SNX29: variants seen among roughly 807,000 people sequenced by gnomAD.
The protein encoded by SNX29 is sorting nexin-29.
Under a neutral mutation model 102.1 loss-of-function variants are expected in SNX29, and 78 were observed. That is an observed-to-expected ratio of 0.76 (90% CI 0.64 to 0.92). The LOEUF is 0.92. Ranked by LOEUF, SNX29 falls within the 40% of genes least tolerant of loss-of-function variation. SNX29 has a pLI of 0.00. For synonymous variants in SNX29, 580 were observed against 414.5 expected (o/e 1.40, Z -4.85); for missense variants, 1,280 against 1,061.7 (o/e 1.21, Z -2.86).
chr16:12,480,167 C>A (rs2087839827), intron 19 of SNX29, among the ~76,000 whole-genome samples: 1 of 152,148 alleles, frequency 6.6e-6, no homozygotes, highest in Admixed American at 6.6e-5. Context: ...TCACAAATCC[C>A]CACAAATGCA....
At chr16:12,108,513 T>C (rs2053362250) in intron 11 of SNX29, among the ~76,000 whole-genome samples, 1 of 152,160 alleles carries the variant, frequency 6.6e-6, no homozygotes, top group African/African-American at 2.4e-5. Context: ...TTTTCTCTTT[T>C]AGGAGAGGGG....
At chr16:12,559,443 A>G (rs190384696) in intron 20 of SNX29, among the ~76,000 whole-genome samples, 13 of 151,582 alleles carry the variant, frequency 8.6e-5, no homozygotes, top group South Asian at 2.1e-4. Flanking sequence ...AGGGCTCCCA[A>G]TGATTCTACA....
At chr16:12,166,490 A>T (rs2056028870) in intron 13 of SNX29, among the ~76,000 whole-genome samples, 1 of 152,212 alleles carries the variant, frequency 6.6e-6, no homozygotes, top group African/African-American at 2.4e-5. Context: ...GCGAGCAGGA[A>T]GGCGGGGGGC....
intron 20 of SNX29, among the ~76,000 whole-genome samples, chr16:12,525,574 C>T (rs939911910): frequency 8.6e-5 from 13 of 151,988 alleles, no homozygotes; most frequent in South Asian, 2.1e-4. Context: ...CGCCTGTAGT[C>T]CCAGCTACTT....
At chr16:12,069,768 G>A (rs1052596312) in intron 10 of SNX29, among the ~76,000 whole-genome samples, 9 of 152,170 alleles carry the variant, frequency 5.9e-5, no homozygotes, top group East Asian at 1.9e-4. Context: ...TCGGCTCACC[G>A]CAAGCTCTGC....
At chr16:12,004,205 G>T (rs1049119287) in intron 3 of SNX29, among the ~76,000 whole-genome samples, 16 of 152,048 alleles carry the variant, frequency 1.1e-4, no homozygotes, top group South Asian at 2.1e-4. Context: ...GCCAGGCACG[G>T]TGGCGGGTGC....
At chr16:12,543,180 G>A (rs2077421685) in intron 20 of SNX29, among the ~76,000 whole-genome samples, 1 of 152,196 alleles carries the variant, frequency 6.6e-6, no homozygotes, top group African/African-American at 2.4e-5. Context: ...TCCTGTAGAA[G>A]TCCTAGGAAA....
intron 20 of SNX29, among the ~76,000 whole-genome samples, chr16:12,539,334 A>T (rs1218444284): frequency 6.6e-6 from 1 of 152,010 alleles, no homozygotes; most frequent in Non-Finnish European, 1.5e-5. Flanking sequence ...CTTTTCAAGA[A>T]TGTCACATAA....
At chr16:12,521,187 C>G (rs1231233215) in intron 19 of SNX29, among the ~76,000 whole-genome samples, 1 of 151,854 alleles carries the variant, frequency 6.6e-6, no homozygotes, top group Non-Finnish European at 1.5e-5. Flanking sequence ...CTCAAAAAAA[C>G]AAAAAACAAA....
At chr16:12,503,115 C>A (rs1414057161) in intron 19 of SNX29, among the ~76,000 whole-genome samples, 2 of 152,124 alleles carry the variant, frequency 1.3e-5, no homozygotes, top group Non-Finnish European at 2.9e-5. Flanking sequence ...CCACCCCCAC[C>A]CCCAGGGTCG....
chr16:12,063,679 T>C (rs1044787023), intron 9 of SNX29, among the ~76,000 whole-genome samples: 3 of 151,974 alleles, frequency 2.0e-5, no homozygotes, highest in Admixed American at 6.6e-5. Context: ...GTGCCCGGCC[T>C]TTTCTAGTCC....
intron 20 of SNX29, among the ~76,000 whole-genome samples, chr16:12,536,707 G>T (rs2902959): frequency 9.2e-5 from 14 of 152,164 alleles, no homozygotes; most frequent in African/African-American, 3.4e-4. Flanking sequence ...GCTGGACGTG[G>T]TGGCTCACGC....
chr16:12,371,067 T>C (rs967614207), intron 16 of SNX29, among the ~76,000 whole-genome samples: 5 of 152,216 alleles, frequency 3.3e-5, no homozygotes, highest in African/African-American at 1.2e-4. Context: ...GGTGATTTTG[T>C]TGATCAGAGT....
chr16:12,433,513 C>T (rs1025954665), intron 18 of SNX29, among the ~76,000 whole-genome samples: 7 of 151,762 alleles, frequency 4.6e-5, no homozygotes, highest in Non-Finnish European at 1.0e-4. Flanking sequence ...TGCCTGTAGT[C>T]CCAGCTACTA....
At chr16:12,257,190 C>A (rs906952680) in intron 14 of SNX29, among the ~76,000 whole-genome samples, 2 of 152,104 alleles carry the variant, frequency 1.3e-5, no homozygotes, top group African/African-American at 2.4e-5. Context: ...GCTCTGGAGG[C>A]CCCCAGAACC....
Position 12,573,600 on chromosome 16 carries a change from T to C in SNX29, c.*4971T>C. The C allele has an allele frequency of 9.0e-6, 2 of 221,692 alleles. No individual in the cohort carries two copies. The highest frequency in any genetic ancestry group is 1.8e-5 in the Non-Finnish European group (2 of 110,750). 13.7% of individuals were successfully genotyped at this position (221,692 alleles called of 1,614,324 possible). On this transcript the variant is annotated 3_prime_UTR_variant, in exon 21 of 21. Transcript: ENST00000566228. Reference sequence around the variant, plus strand: ...AGGCTTCCCCCACTTCCCCTCAAATTTTCTCAGCTCTGCCGCTGGTCTCCA... The same window carrying C: ...AGGCTTCCCCCACTTCCCCTCAAATCTTCTCAGCTCTGCCGCTGGTCTCCA...
rs149682106 is a variant in SNX29, at chr16:12,528,110, C to T, written c.2318+3269C>T. ...AAAGTGCTGGGATTACAGGTGTGAG[C>T]CACCGCACCTGGCCTGTTATTTATT... On this transcript the variant is annotated intron_variant, in intron 20 of 20. Coordinates refer to ENST00000566228, the MANE Select transcript of SNX29 (RefSeq NM_032167.5). Among the ~76,000 whole-genome samples the T allele has an allele frequency of 2.6e-3, 393 of 152,220 alleles. 3 individuals carry two copies. In the Middle Eastern group the frequency reaches 0.037, roughly 14 times the overall value.
intron 4 of SNX29, among the ~76,000 whole-genome samples, chr16:12,037,511 C>T (rs1479677436): frequency 2.6e-5 from 4 of 151,970 alleles, no homozygotes; most frequent in South Asian, 2.1e-4. Flanking sequence ...TTAAAAAAAA[C>T]GAAAGTTGCA....
intron 14 of SNX29, among the ~76,000 whole-genome samples, chr16:12,250,422 T>C (rs1296596317): frequency 1.3e-5 from 2 of 152,098 alleles, no homozygotes; most frequent in African/African-American, 4.8e-5. Flanking sequence ...CATGTTGCAA[T>C]GGCCTGTCAG....
Sources: allele counts gnomAD v4.1 joint callset (sites outside exome capture counted in the v4.1 genomes callset), GRCh38; gene constraint gnomAD v4.1.1; transcripts MANE v1.5; gene names NCBI Gene and HGNC (gene_info 2026-07-23, HGNC 2026-07-21).